RASA3: variants seen among roughly 807,000 people sequenced by gnomAD.
RASA3 encodes the protein ras GTPase-activating protein 3.
In RASA3, 73 loss-of-function variants were observed where a neutral mutation model predicts 110.0. That is an observed-to-expected ratio of 0.66 (90% CI 0.55 to 0.81). RASA3 has a LOEUF of 0.81. RASA3 is among the 30% of genes least tolerant of loss of function. The probability of loss-of-function intolerance (pLI) is 0.00; values close to 1 mark genes in which losing one functional copy is unlikely to be tolerated. For synonymous variants in RASA3, 500 were observed against 451.4 expected, an observed-to-expected ratio of 1.11 and a Z score of -1.37; for missense variants, 976 against 1,113.2, an observed-to-expected ratio of 0.88 and a Z score of 1.75.
At chr13:114,108,954 C>T (rs9314893) in intron 1 of RASA3, 83,960 of 152,172 alleles carry the variant, frequency 0.55, 23,505 homozygotes, top group East Asian at 0.76. Context: ...GCGAGGCTGC[C>T]GTGGGCTCCC....
chr13:114,079,740 G>C (rs2079751272), intron 1 of RASA3, among the ~76,000 whole-genome samples: 1 of 152,198 alleles, frequency 6.6e-6, no homozygotes, highest in South Asian at 2.1e-4. Flanking sequence ...GCTGCTGACT[G>C]CAAGGCCCAT....
chr13:114,039,340 G>C (rs560312234), intron 4 of RASA3, among the ~76,000 whole-genome samples: 1 of 145,172 alleles, frequency 6.9e-6, no homozygotes, highest in Non-Finnish European at 1.5e-5. Context: ...ACGCTGTGCA[G>C]CAACCCTACA....
chr13:113,995,872 GGCCCGGCTGATGGGGA>G, intron 21 of RASA3, among the ~76,000 whole-genome samples: 1 of 84,398 alleles, frequency 1.2e-5, no homozygotes, highest in Admixed American at 1.0e-4. Flanking sequence ...CTGATGGGGA[GGCCCGGCTGATGGGGA>G]GGCCCGGCTG....
At chr13:114,076,105 G>A (rs2079677719) in intron 1 of RASA3, among the ~76,000 whole-genome samples, 1 of 152,094 alleles carries the variant, frequency 6.6e-6, no homozygotes, top group Non-Finnish European at 1.5e-5. Flanking sequence ...GCCGTTTCCC[G>A]CCAGTGCCCC....
intron 2 of RASA3, among the ~76,000 whole-genome samples, chr13:114,055,887 C>G (rs986495680): frequency 6.6e-6 from 1 of 152,244 alleles, no homozygotes; most frequent in Admixed American, 6.5e-5. Context: ...GCGGCAAATG[C>G]GTAACCAAAA....
intron 3 of RASA3, among the ~76,000 whole-genome samples, chr13:114,049,026 A>C (rs1594386339): frequency 2.3e-5 from 3 of 130,618 alleles, no homozygotes; most frequent in African/African-American, 5.9e-5. Context: ...CCCAACCCAC[A>C]CCCCCGACCC....
Position 114,015,347 on chromosome 13 carries a change from G to A in RASA3, c.1282-15C>T, listed in dbSNP as rs199686317. 163 of 1,612,014 alleles carry A rather than the reference G, an allele frequency of 1.0e-4. 1 individual carries two copies. Among genetic ancestry groups the A allele is most frequent in the East Asian group, 1.1e-4 (5 of 44,872 alleles). ...CGTAGGTTCTCCTGCAACGGGACAC[G>A]GCACTGGGACCCACTCCCGAGGCTG... On this transcript the variant is annotated splice_polypyrimidine_tract_variant and intron_variant, in intron 13 of 23. Transcript: ENST00000334062.
intron 1 of RASA3, chr13:114,078,103 T>G: frequency 1.3e-6 from 1 of 746,838 alleles, no homozygotes; most frequent in Non-Finnish European, 1.6e-6. Flanking sequence ...CCAGGAGGGC[T>G]GGGGCTGCTG....
chr13:114,103,331 CCTGGCATTCTCT>C (rs1426381298), intron 1 of RASA3, among the ~76,000 whole-genome samples: 1 of 152,096 alleles, frequency 6.6e-6, no homozygotes, highest in Non-Finnish European at 1.5e-5. Flanking sequence ...CTGGGAAGAG[CCTGGCATTCTCT>C]CTGGGGTAGC....
At chr13:114,072,567 T>A (rs1261135578) in intron 2 of RASA3, among the ~76,000 whole-genome samples, 4 of 152,186 alleles carry the variant, frequency 2.6e-5, no homozygotes, top group Non-Finnish European at 4.4e-5. Flanking sequence ...TTTTGTGGAG[T>A]GCGAGCTTCC....
intron 1 of RASA3, among the ~76,000 whole-genome samples, chr13:114,102,840 C>T (rs1417603122): frequency 3.3e-5 from 5 of 152,168 alleles, no homozygotes; most frequent in South Asian, 2.1e-4. Context: ...GGGCTGGGGA[C>T]GACGGGAAGA....
At position 114,005,782 on chromosome 13, in the gene RASA3, C is replaced by A. The variant is rs950388512; in HGVS notation, c.1742+1751G>T. Reference sequence around the variant, plus strand: ...GGATGCCACCTTACCCTTCTCCCCCCTCCTGCCCTGCCGGACACCACCTTA... The same window carrying A: ...GGATGCCACCTTACCCTTCTCCCCCATCCTGCCCTGCCGGACACCACCTTA... On this transcript the variant is annotated intron_variant, in intron 18 of 23. Coordinates refer to ENST00000334062, the MANE Select transcript of RASA3 (RefSeq NM_007368.4). Among the ~76,000 whole-genome samples, 84 of 143,156 alleles carry A rather than the reference C, an allele frequency of 5.9e-4. 3 individuals are homozygous for A. Among genetic ancestry groups the A allele is most frequent in the Admixed American group, 1.1e-3 (16 of 14,484 alleles). The allele number at this position is 143,156 out of a possible 152,430, so 93.9% of individuals were successfully genotyped here. A position where few individuals can be genotyped will look rare whatever the true frequency, so the allele number is the denominator to read the frequency against.
At chr13:114,015,061 C>G (rs1031571435) in intron 14 of RASA3, 148 bp downstream of exon 14, 1 of 1,176,362 alleles carries the variant, frequency 8.5e-7, no homozygotes, top group African/African-American at 1.5e-5. Context: ...CGGGCACAAA[C>G]CCCGGAAAAA....
At chr13:114,046,960 C>T (rs761344153) in intron 3 of RASA3, among the ~76,000 whole-genome samples, 5 of 152,268 alleles carry the variant, frequency 3.3e-5, no homozygotes, top group South Asian at 2.1e-4. Flanking sequence ...TAAATGTGAA[C>T]GCTGAAAGCA....
chr13:114,124,686 C>T (rs760238786), intron 1 of RASA3, among the ~76,000 whole-genome samples: 42 of 152,360 alleles, frequency 2.8e-4, no homozygotes, highest in Middle Eastern at 6.8e-3. Context: ...CAACTCACTC[C>T]GCCTGTCACT....
At chr13:114,117,898 G>A (rs1040263869) in intron 1 of RASA3, among the ~76,000 whole-genome samples, 2 of 148,436 alleles carry the variant, frequency 1.3e-5, no homozygotes, top group Admixed American at 6.7e-5. Flanking sequence ...GTGCACGTGT[G>A]TGAGGGGTGC....
rs997087107 is a variant in RASA3 at position 114,011,959 on chromosome 13, G to A, written c.1513-711C>T. ...TGCTGGGGAATGGGCAATCCCTCAC[G>A]TCCTCTCGCCCTGGCCATCTCCTTC... is the stretch of plus-strand genomic sequence containing the variant. On this transcript the variant is annotated intron_variant, in intron 15 of 23. Coordinates refer to ENST00000334062, the MANE Select transcript of RASA3 (RefSeq NM_007368.4). The surrounding 1 kb of genome is among the most constrained non-coding windows in gnomAD (Gnocchi z 4.8). 2.6e-5 allele frequency among the ~76,000 whole-genome samples: 4 copies of A among 151,824 alleles called. No homozygotes were observed. Among genetic ancestry groups the A allele is most frequent in the South Asian group, 2.1e-4 (1 of 4,816 alleles).
chr13:114,032,676 T>A, intron 4 of RASA3, among the ~76,000 whole-genome samples: 1 of 96,134 alleles, frequency 1.0e-5, no homozygotes, highest in East Asian at 3.0e-4. Context: ...TGGCACCACG[T>A]TCCACGGCAC....
chr13:114,002,291 C>T (rs540498302), intron 18 of RASA3, among the ~76,000 whole-genome samples: 14 of 152,182 alleles, frequency 9.2e-5, no homozygotes, highest in East Asian at 3.9e-4. Flanking sequence ...GGACGCACAC[C>T]GGAGGGTGTG....
Sources: allele counts gnomAD v4.1 joint callset (sites outside exome capture counted in the v4.1 genomes callset), GRCh38; gene constraint gnomAD v4.1.1; non-coding constraint Gnocchi (gnomAD v3.1); transcripts MANE v1.5; gene names NCBI Gene and HGNC (gene_info 2026-07-23, HGNC 2026-07-21).